The following TFB1M variants were observed in gnomAD, a reference collection of about 807,000 sequenced individuals.
TFB1M encodes transcription factor B1, mitochondrial.
A neutral mutation model predicts 31.1 loss-of-function variants in TFB1M; 27 were observed. The ratio of observed to expected loss-of-function variants is 0.87; its 90% CI spans 0.64 to 1.20. The LOEUF (loss-of-function observed/expected upper bound fraction) is 1.20. TFB1M is among the 50% of genes most tolerant of loss of function. The pLI is 0.00. For missense variants in TFB1M, 394 were observed against 418.7 expected, an observed-to-expected ratio of 0.94 and a Z score of 0.51; for synonymous variants, 166 against 151.8, an observed-to-expected ratio of 1.09 and a Z score of -0.69.
chr6:155,297,852 G>C (rs190581570), intron 3 of TFB1M, among the ~76,000 whole-genome samples: 73 of 152,338 alleles, frequency 4.8e-4, no homozygotes, highest in African/African-American at 1.7e-3. Flanking sequence ...AAGAACAGGA[G>C]GGCCTGTCAG....
At chr6:155,291,962 T>G (rs1312709234) in intron 4 of TFB1M, among the ~76,000 whole-genome samples, 2 of 152,308 alleles carry the variant, frequency 1.3e-5, no homozygotes, top group East Asian at 3.9e-4. Flanking sequence ...ATTCTGGCAT[T>G]AAAAAGTTTT....
intron 2 of TFB1M, 157 bp downstream of exon 2, chr6:155,311,031 C>A: frequency 1.3e-6 from 1 of 795,298 alleles, no homozygotes; most frequent in Non-Finnish European, 2.0e-6. Context: ...CCAGATTTCT[C>A]CAGACTATGG....
downstream of TFB1M, chr6:155,254,750 A>G (rs561360450): frequency 4.3e-5 from 31 of 717,770 alleles, no homozygotes; most frequent in African/African-American, 4.4e-4. Context: ...TGTAAAATAC[A>G]GCCACCCCCA....
chr6:155,298,668 A>G, intron 2 of TFB1M, 83 bp from the exon 3 acceptor site: 1 of 913,474 alleles, frequency 1.1e-6, no homozygotes. Context: ...GTGCATTTAA[A>G]AAATCAGTTA....
chr6:155,309,801 G>A (rs750133724), intron 2 of TFB1M, among the ~76,000 whole-genome samples: 13 of 151,836 alleles, frequency 8.6e-5, no homozygotes, highest in South Asian at 2.1e-4. Context: ...ATATTCCCAC[G>A]TCCACCTCCA....
intron 6 of TFB1M, among the ~76,000 whole-genome samples, chr6:155,259,107 C>T (rs912559003): frequency 1.3e-5 from 2 of 152,164 alleles, no homozygotes; most frequent in Admixed American, 6.5e-5. Flanking sequence ...TCCAAAAGCA[C>T]ATAAAAGGAC....
At chr6:155,277,235 G>A (rs1283917720) in intron 5 of TFB1M, among the ~76,000 whole-genome samples, 1 of 152,070 alleles carries the variant, frequency 6.6e-6, no homozygotes, top group African/African-American at 2.4e-5. Context: ...TTCATATTTG[G>A]ATGATAAAAG....
intron 2 of TFB1M, among the ~76,000 whole-genome samples, chr6:155,304,060 C>T (rs964727221): frequency 6.6e-6 from 1 of 152,130 alleles, no homozygotes; most frequent in African/African-American, 2.4e-5. Context: ...GCAGGTGAAT[C>T]ACCTGAGTTC....
chr6:155,303,836 G>A (rs1777541794), intron 2 of TFB1M, among the ~76,000 whole-genome samples: 1 of 152,144 alleles, frequency 6.6e-6, no homozygotes, highest in South Asian at 2.1e-4. Context: ...AATATCCACA[G>A]AAGAGAACTA....
At chr6:155,287,086 A>G (rs1466820494) in intron 4 of TFB1M, among the ~76,000 whole-genome samples, 3 of 152,278 alleles carry the variant, frequency 2.0e-5, no homozygotes, top group African/African-American at 7.2e-5. Context: ...AGAACATTAC[A>G]TATAATTTCA....
chr6:155,234,495 T>G, the TFB1M span, among the ~76,000 whole-genome samples: 1 of 152,234 alleles, frequency 6.6e-6, no homozygotes, highest in Non-Finnish European at 1.5e-5. Context: ...CTTGACCTCC[T>G]GGGCTCAAGC....
At chr6:155,303,962 T>C (rs1399288934) in intron 2 of TFB1M, among the ~76,000 whole-genome samples, 1 of 152,144 alleles carries the variant, frequency 6.6e-6, no homozygotes, top group Non-Finnish European at 1.5e-5. Context: ...TATTTGATGC[T>C]CAATCCCATG....
At chr6:155,250,701 C>A in the TFB1M span, 3 of 1,344,250 alleles carry the variant, frequency 2.2e-6, no homozygotes, top group Non-Finnish European at 2.0e-6. Flanking sequence ...GAGCAAAATG[C>A]CTTCACCTTT....
rs1473197535 is a variant in TFB1M, at chr6:155,277,026, G to A, written c.666+8132C>T. On this transcript the variant is annotated intron_variant, in intron 5 of 6. Transcript: ENST00000367166. ...GAAGAAATTGGTAAATGCTACCACA[G>A]TAAAGAAAGCCAAACCAAACTAAAA... 2.0e-5 allele frequency among the ~76,000 whole-genome samples: 3 copies of A among 152,234 alleles called. No homozygotes were observed. In the South Asian group the frequency reaches 6.2e-4, roughly 32 times the overall value.
rs1404026181 is a variant in TFB1M at position 155,260,322 on chromosome 6, C to A, written c.745G>T (p.Val249Phe). ...EQPFKLVEKVVQNVFQFRRKY... is the reference protein window; with the variant it reads ...EQPFKLVEKVFQNVFQFRRKY... ...CTTCGGAACTGAAATACATTCTGAA[C>A]CACTTTTTCCACCAGCTTGAATGGC... The change falls in exon 6 of 7, where the codon GTT becomes TTT. Residue 249 changes from valine (V) to phenylalanine (F), a missense_variant. By Grantham distance (50) the Val-to-Phe change is conservative. Coordinates refer to ENST00000367166, the MANE Select transcript of TFB1M (RefSeq NM_016020.4). The A allele has an allele frequency of 5.6e-6, 9 of 1,614,114 alleles. No homozygotes were observed. The highest frequency in any genetic ancestry group is 7.6e-6 in the Non-Finnish European group (9 of 1,180,044).
At chr6:155,263,844 G>T (rs549839720) in intron 5 of TFB1M, among the ~76,000 whole-genome samples, 1 of 151,150 alleles carries the variant, frequency 6.6e-6, no homozygotes, top group Admixed American at 6.6e-5. Flanking sequence ...CGGTGTTCAA[G>T]ACCATTAGAG....
intron 5 of TFB1M, among the ~76,000 whole-genome samples, chr6:155,262,306 C>T (rs1274140020): frequency 3.9e-5 from 6 of 152,198 alleles, no homozygotes; most frequent in Non-Finnish European, 5.9e-5. Context: ...ATGTCAGGTT[C>T]CTTCCCACAA....
rs1194589696 is a variant in TFB1M, at chr6:155,314,480, G to T, written c.-52C>A. ...TACCTCACCCAGGACCTTCACCGCC[G>T]CTCCGAAAGAAACGCGCAGGGGAGG... is the stretch of plus-strand genomic sequence containing the variant. On this transcript the variant is annotated 5_prime_UTR_variant, in exon 1 of 7. Coordinates refer to ENST00000367166, the MANE Select transcript of TFB1M (RefSeq NM_016020.4). 3 of 1,612,776 alleles carry T rather than the reference G, an allele frequency of 1.9e-6. No homozygotes were observed. Among genetic ancestry groups the T allele is most frequent in the South Asian group, 1.1e-5 (1 of 91,030 alleles).
intron 5 of TFB1M, among the ~76,000 whole-genome samples, chr6:155,265,787 T>A (rs1394938561): frequency 6.8e-6 from 1 of 146,552 alleles, no homozygotes; most frequent in African/African-American, 2.5e-5. Context: ...AAATATTAAA[T>A]ATATATATAA....
Sources: gnomAD v4.1 joint callset for allele counts (sites outside exome capture counted in the v4.1 genomes callset) on GRCh38, gnomAD v4.1.1 for gene constraint, MANE v1.5 for transcripts, NCBI Gene and HGNC (gene_info 2026-07-23, HGNC 2026-07-21) for gene names.